Variants in PARL observed in about 807,000 individuals in gnomAD.
PARL encodes the protein presenilin associated rhomboid like.
Under a neutral mutation model 51.6 loss-of-function variants are expected in PARL, and 44 were observed. The ratio of observed to expected loss-of-function variants is 0.85; its 90% CI spans 0.67 to 1.10. The LOEUF (loss-of-function observed/expected upper bound fraction) is 1.10, where lower values mean the gene tolerates loss of function less well. Ranked by LOEUF, PARL falls within the 50% of genes least tolerant of loss-of-function variation. PARL has a pLI of 0.00. For missense variants in PARL, 441 were observed against 469.5 expected (o/e 0.94, Z 0.56); for synonymous variants, 172 against 164.0 (o/e 1.05, Z -0.37).
At chr3:183,874,348 C>T (rs780314415) in intron 1 of PARL, among the ~76,000 whole-genome samples, 6 of 152,026 alleles carry the variant, frequency 3.9e-5, no homozygotes, top group African/African-American at 1.2e-4. Context: ...CTACAATCAC[C>T]GCTAAGTGTT....
At chr3:183,876,633 A>AAAG (rs1553904376) in intron 1 of PARL, among the ~76,000 whole-genome samples, 6 of 97,302 alleles carry the variant, frequency 6.2e-5, no homozygotes, top group African/African-American at 1.6e-4. Flanking sequence ...AAAAAAAAAA[A>AAAG]AAAAAGAAAA....
intron 4 of PARL, among the ~76,000 whole-genome samples, chr3:183,850,124 A>C (rs1385895764): frequency 6.6e-6 from 1 of 152,330 alleles, no homozygotes; most frequent in East Asian, 1.9e-4. Context: ...CTAGTATTTG[A>C]GTTTCCTACA....
intron 1 of PARL, among the ~76,000 whole-genome samples, chr3:183,870,142 G>A (rs187816171): frequency 3.6e-3 from 365 of 101,148 alleles, no homozygotes; most frequent in African/African-American, 0.013. Context: ...CAGGTGTGGT[G>A]GTGCACACCT....
chr3:183,866,660 T>C lies in PARL; in HGVS notation c.427A>G (p.Ile143Val). Residue 143 changes from isoleucine (I) to valine (V), a missense_variant, in exon 3 of 10, where the codon ATA (isoleucine) becomes GTA (valine). Physicochemically the swap from Ile to Val is conservative, Grantham distance 29. Transcript: ENST00000317096. ...DGIKADWLDS[I>V]RPQKEGDFRK... ...AAGTCTCCTTCTTTTTGTGGTCTTA[T>C]GCTATCCAACCAATCAGCTTTTATA... 2 of 1,612,150 alleles carry C rather than the reference T, an allele frequency of 1.2e-6. No homozygotes were observed. The highest frequency in any genetic ancestry group is 2.2e-5 in the East Asian group (1 of 44,826).
In PARL at chr3:183,868,032, C is replaced by A; in HGVS notation, c.154G>T (p.Gly52Ter). ...RFNFFIQQKC[G>*]FRKAPRKVEP... ...ACCTTCCTGGGTGCTTTTCTGAATC[C>A]GCATTTTTGTTGAATAAAGAAGTTA... Residue 52 changes from glycine (G) to a stop codon, truncating the protein, a stop_gained, in exon 2 of 10, where the codon GGA (glycine) becomes TGA (stop). Coordinates refer to ENST00000317096, the MANE Select transcript of PARL (RefSeq NM_018622.7). LOFTEE classifies it high-confidence loss of function. 6.2e-7 allele frequency: 1 copy of A among 1,614,088 alleles called. No homozygotes were observed. The highest frequency in any genetic ancestry group is 8.5e-7 in the Non-Finnish European group (1 of 1,179,976).
rs1056620964 is a variant in PARL at position 183,844,415 on chromosome 3, A to G, written c.512-89T>C. 1.0e-5 allele frequency: 9 copies of G among 862,180 alleles called. No individual in the cohort carries two copies. The African/African-American group carries it at 1.2e-4, about 11-fold the overall frequency. The allele number at this position is 862,180 out of a possible 1,614,324, so 53.4% of individuals were successfully genotyped here. ...TTACCCCCTTGTAAGATTCTTCCAC[A>G]ATTATGTAAGAGTACTGTATACCTG... On this transcript the variant is annotated intron_variant, in intron 4 of 9. Coordinates refer to ENST00000317096, the MANE Select transcript of PARL (RefSeq NM_018622.7).
chr3:183,876,179 TGGGATCACA>T (rs1246666205), intron 1 of PARL, among the ~76,000 whole-genome samples: 1 of 152,136 alleles, frequency 6.6e-6, no homozygotes, highest in Non-Finnish European at 1.5e-5. Context: ...TCCGAGCAGC[TGGGATCACA>T]GGCGCCTGCC....
chr3:183,884,755 G>T lies in PARL; in HGVS notation c.92C>A (p.Ala31Glu), dbSNP rs1734941672. The part of the protein sequence containing the change: ...VGGRSCEELT[A>E]VLTPPQLLGR... ...GAGGAGCTGCGGCGGGGTTAGGACC[G>T]CAGTGAGCTCCTCGCAGCTGCGGCC... is the stretch of plus-strand genomic sequence containing the variant. Residue 31 changes from alanine (A) to glutamate (E), a missense_variant, in exon 1 of 10, where the codon GCG becomes GAG. Coordinates refer to ENST00000317096, the MANE Select transcript of PARL (RefSeq NM_018622.7). 2 of 1,579,182 alleles carry T rather than the reference G, an allele frequency of 1.3e-6. No homozygotes were observed. Among genetic ancestry groups the T allele is most frequent in the Admixed American group, 1.8e-5 (1 of 56,274 alleles).
At chr3:183,878,235 C>T (rs758451393) in intron 1 of PARL, among the ~76,000 whole-genome samples, 3 of 152,146 alleles carry the variant, frequency 2.0e-5, no homozygotes, top group Non-Finnish European at 4.4e-5. Flanking sequence ...GGGCTTCTAC[C>T]ATGACAGAGG....
downstream of PARL, among the ~76,000 whole-genome samples, chr3:183,828,896 C>T (rs1437954121): frequency 2.6e-5 from 4 of 152,216 alleles, no homozygotes; most frequent in African/African-American, 7.2e-5. Context: ...AATTCCACAA[C>T]AGTGAGGCTG....
Position 183,829,324 on chromosome 3 carries a change from A to G in PARL, c.*274T>C. 8.7e-7 allele frequency: 1 copy of G among 1,143,308 alleles called. No individual in the cohort carries two copies. The highest frequency in any genetic ancestry group is 3.1e-5 in the Admixed American group (1 of 32,084). 70.8% of individuals were successfully genotyped at this position (1,143,308 alleles called of 1,614,324 possible). ...GGTGCACTCTCCCCAGGTCCTGTCA[A>G]TGCAACAACCAAAGCAAAATGCCAG... On this transcript the variant is annotated 3_prime_UTR_variant, in exon 10 of 10. Coordinates refer to ENST00000317096, the MANE Select transcript of PARL (RefSeq NM_018622.7).
At chr3:183,881,936 C>T (rs917012909) in intron 1 of PARL, among the ~76,000 whole-genome samples, 3 of 151,950 alleles carry the variant, frequency 2.0e-5, no homozygotes, top group African/African-American at 7.3e-5. Flanking sequence ...GGCATGGTGA[C>T]TCAAGCCTGT....
chr3:183,882,044 C>T (rs1734492585), intron 1 of PARL, among the ~76,000 whole-genome samples: 2 of 150,560 alleles, frequency 1.3e-5, no homozygotes, highest in Admixed American at 6.6e-5. Context: ...CTACAAAAAA[C>T]ACAAAACTTA....
chr3:183,866,551 C>T, intron 3 of PARL, 74 bp downstream of exon 3: 2 of 1,205,576 alleles, frequency 1.7e-6, no homozygotes, highest in Non-Finnish European at 2.5e-6. Flanking sequence ...ACACTGAAAA[C>T]ACGTGCATCT....
chr3:183,829,593 C>A lies in PARL; in HGVS notation c.*5G>T, dbSNP rs1383986629. 1 of 1,614,194 alleles carries A rather than the reference C, an allele frequency of 6.2e-7. No homozygotes were observed. The highest frequency in any genetic ancestry group is 1.7e-5 in the Admixed American group (1 of 60,024). On this transcript the variant is annotated 3_prime_UTR_variant, in exon 10 of 10. Coordinates refer to ENST00000317096, the MANE Select transcript of PARL (RefSeq NM_018622.7). ...CAGATGCACCACTACTGTCCAATCC[C>A]AGTTTTACTTAGAGCCACCTCCTTT...
chr3:183,851,263 C>T (rs1363265182), intron 4 of PARL, among the ~76,000 whole-genome samples: 1 of 152,134 alleles, frequency 6.6e-6, no homozygotes, highest in East Asian at 1.9e-4. Context: ...CTTGACATGA[C>T]ACTTAAAAGT....
At chr3:183,832,257 C>T (rs1291286986) in intron 9 of PARL, among the ~76,000 whole-genome samples, 1 of 149,700 alleles carries the variant, frequency 6.7e-6, no homozygotes, top group Non-Finnish European at 1.5e-5. Flanking sequence ...CTCACTTTGT[C>T]GCCCAGGCTG....
chr3:183,841,500 C>G (rs1729310278), intron 6 of PARL, among the ~76,000 whole-genome samples: 1 of 152,194 alleles, frequency 6.6e-6, no homozygotes. Flanking sequence ...TGCAACATCA[C>G]TCAGCTGGTA....
At chr3:183,870,273 G>GT (rs1733038625) in intron 1 of PARL, among the ~76,000 whole-genome samples, 1 of 81,930 alleles carries the variant, frequency 1.2e-5, no homozygotes, top group African/African-American at 5.3e-5. Context: ...GTAAGACCTT[G>GT]TCTCAAAAAA....
Sources: gnomAD v4.1 joint callset for allele counts (sites outside exome capture counted in the v4.1 genomes callset) on GRCh38, gnomAD v4.1.1 for gene constraint, MANE v1.5 for transcripts, NCBI Gene and HGNC (gene_info 2026-07-23, HGNC 2026-07-21) for gene names.